The following PIK3C3 variants were observed in gnomAD, a reference collection of about 807,000 sequenced individuals.
PIK3C3 encodes PI3-kinase type 3.
Under a neutral mutation model 126.1 loss-of-function variants are expected in PIK3C3, and 95 were observed. The observed-to-expected ratio is 0.75, with a 90% CI of 0.64 to 0.89. PIK3C3 has a LOEUF of 0.89. Ranked by LOEUF, PIK3C3 falls within the 40% of genes least tolerant of loss-of-function variation. The probability of loss-of-function intolerance (pLI) is 0.00; values close to 1 mark genes in which losing one functional copy is unlikely to be tolerated. For synonymous variants in PIK3C3, 374 were observed against 360.0 expected (o/e 1.04, Z -0.44); for missense variants, 829 against 1,063.2 (o/e 0.78, Z 3.06).
intron 10 of PIK3C3, 87 bp downstream of exon 10, chr18:42,004,628 T>TGAGA: frequency 9.7e-7 from 1 of 1,032,318 alleles, no homozygotes; most frequent in African/African-American, 1.6e-5. Flanking sequence ...TGTGTGAGAG[T>TGAGA]GAGAGAGAGA....
At chr18:42,031,471 C>G (rs1247679055) in intron 15 of PIK3C3, among the ~76,000 whole-genome samples, 1 of 152,056 alleles carries the variant, frequency 6.6e-6, no homozygotes, top group Admixed American at 6.5e-5. Flanking sequence ...GGCTGCAGTA[C>G]CATGGTACTG....
At chr18:41,964,858 G>T (rs1031541734) in intron 3 of PIK3C3, among the ~76,000 whole-genome samples, 7 of 151,986 alleles carry the variant, frequency 4.6e-5, no homozygotes, top group Non-Finnish European at 7.4e-5. Flanking sequence ...ATGAAATCTA[G>T]ATGTAATCCC....
chr18:41,987,689 G>T (rs1043677079), intron 4 of PIK3C3, 123 bp from the exon 5 acceptor site: 2 of 526,488 alleles, frequency 3.8e-6, no homozygotes, highest in Non-Finnish European at 6.9e-6. Flanking sequence ...TGCTAATTGC[G>T]TATGGTTTCT....
intron 10 of PIK3C3, among the ~76,000 whole-genome samples, chr18:42,008,851 T>C (rs1160637271): frequency 1.3e-5 from 2 of 152,174 alleles, no homozygotes; most frequent in African/African-American, 4.8e-5. Context: ...ATATAGAATA[T>C]GTAATGACCA....
At chr18:42,040,792 A>G (rs752357857) in intron 19 of PIK3C3, 51 bp downstream of exon 19, 1 of 1,215,148 alleles carries the variant, frequency 8.2e-7, no homozygotes, top group East Asian at 2.4e-5. Flanking sequence ...CTTGTCATAA[A>G]AAATTCAGTC....
intron 12 of PIK3C3, among the ~76,000 whole-genome samples, chr18:42,019,477 T>A (rs1176688301): frequency 6.6e-6 from 1 of 152,166 alleles, no homozygotes; most frequent in East Asian, 1.9e-4. Flanking sequence ...TTCAGAGTAT[T>A]CAACAAAGTA....
In PIK3C3 at chr18:41,958,677, A is replaced by G. The variant is rs550158892; in HGVS notation, c.257+919A>G. ...GTCTGTCTGTCTATCTAGCCTATCT[A>G]TCTGTATATATATATGTGTGTATAT... is the stretch of plus-strand genomic sequence containing the variant. On this transcript the variant is annotated intron_variant, in intron 2 of 24. Transcript: ENST00000262039. 4.1e-4 allele frequency among the ~76,000 whole-genome samples: 62 copies of G among 152,126 alleles called. 1 individual carries two copies. The highest frequency in any genetic ancestry group is 6.8e-3 in the Middle Eastern group (2 of 292).
chr18:42,048,862 A>G (rs1156347485), intron 20 of PIK3C3, among the ~76,000 whole-genome samples: 4 of 152,212 alleles, frequency 2.6e-5, no homozygotes, highest in African/African-American at 9.6e-5. Context: ...AATGGTAGAA[A>G]TAAACATAGT....
chr18:42,038,518 T>C (rs892141390), intron 17 of PIK3C3, among the ~76,000 whole-genome samples: 4 of 151,856 alleles, frequency 2.6e-5, no homozygotes, highest in African/African-American at 9.7e-5. Flanking sequence ...ATTTTTTGTA[T>C]TTTTTAGTAG....
intron 13 of PIK3C3, chr18:42,026,910 G>A (rs1567989370): frequency 1.3e-5 from 2 of 152,090 alleles, no homozygotes; most frequent in Non-Finnish European, 2.9e-5. Flanking sequence ...TTTTTAATTG[G>A]AAAGTTAAAG....
intron 4 of PIK3C3, among the ~76,000 whole-genome samples, chr18:41,973,380 T>C (rs913844595): frequency 6.6e-6 from 1 of 152,106 alleles, no homozygotes; most frequent in Non-Finnish European, 1.5e-5. Flanking sequence ...GGTCTTGCCT[T>C]ATACTTGAGA....
At chr18:42,056,307 T>A (rs1000653616) in intron 21 of PIK3C3, among the ~76,000 whole-genome samples, 2 of 152,158 alleles carry the variant, frequency 1.3e-5, no homozygotes, top group African/African-American at 4.8e-5. Context: ...GTAGTAATCC[T>A]GTTGTTTGAG....
At chr18:42,037,880 G>C (rs1984127237) in intron 17 of PIK3C3, 60 bp downstream of exon 17, 1 of 1,455,290 alleles carries the variant, frequency 6.9e-7, no homozygotes, top group African/African-American at 1.4e-5. Context: ...CTGTGGCTTA[G>C]TTCATTTGCT....
chr18:41,973,001 T>G (rs962180672), intron 4 of PIK3C3, among the ~76,000 whole-genome samples: 1 of 152,080 alleles, frequency 6.6e-6, no homozygotes, highest in East Asian at 1.9e-4. Context: ...TTCTGCTAAC[T>G]TGGGGAAAAT....
At chr18:41,991,823 A>G (rs994247883) in intron 6 of PIK3C3, among the ~76,000 whole-genome samples, 2 of 151,732 alleles carry the variant, frequency 1.3e-5, no homozygotes, top group African/African-American at 4.9e-5. Context: ...TAGATTATTT[A>G]ACATTGTTTA....
intron 10 of PIK3C3, 111 bp downstream of exon 10, chr18:42,004,652 C>G: frequency 1.2e-6 from 1 of 809,604 alleles, no homozygotes; most frequent in Non-Finnish European, 1.9e-6. Flanking sequence ...TGTGCACATG[C>G]AAGAGAGATT....
chr18:42,013,401 A>C, intron 10 of PIK3C3, 41 bp from the exon 11 acceptor site: 1 of 1,191,280 alleles, frequency 8.4e-7, no homozygotes, highest in Non-Finnish European at 1.2e-6. Context: ...ATAATTTTGC[A>C]TTCTTTTCCT....
chr18:41,955,465 C>A, intron 1 of PIK3C3, 106 bp downstream of exon 1: 1 of 960,740 alleles, frequency 1.0e-6, no homozygotes, highest in Non-Finnish European at 1.6e-6. Flanking sequence ...CGTCTCAAGG[C>A]CCAGATTGGG....
intron 21 of PIK3C3, 136 bp from the exon 22 acceptor site, chr18:42,057,747 C>G (rs958816198): frequency 2.7e-6 from 2 of 733,380 alleles, no homozygotes. Flanking sequence ...TTAGAAATAT[C>G]GAAGAATTTA....
Sources: allele counts gnomAD v4.1 joint callset (sites outside exome capture counted in the v4.1 genomes callset), GRCh38; gene constraint gnomAD v4.1.1; transcripts MANE v1.5; gene names NCBI Gene and HGNC (gene_info 2026-07-23, HGNC 2026-07-21).